RGS17: variants seen among roughly 807,000 people sequenced by gnomAD.
RGS17 encodes regulator of G-protein signaling 17.
RGS17 carries 12 observed loss-of-function variants against 25.5 expected under a neutral mutation model. The observed-to-expected ratio is 0.47, with a 90% CI of 0.30 to 0.76. RGS17 has a LOEUF of 0.76. RGS17 is among the 30% of genes least tolerant of loss of function. RGS17 has a pLI of 0.07. For synonymous variants in RGS17, 71 were observed against 76.9 expected (o/e 0.92, Z 0.40); for missense variants, 196 against 242.2 (o/e 0.81, Z 1.27).
intron 1 of RGS17, among the ~76,000 whole-genome samples, chr6:153,092,573 A>G (rs897809024): frequency 6.6e-6 from 1 of 152,166 alleles, no homozygotes; most frequent in Non-Finnish European, 1.5e-5. Context: ...AACATGTACA[A>G]TTATATATGG....
intron 4 of RGS17, among the ~76,000 whole-genome samples, chr6:153,020,132 ATATATATTTTTTTTTTTTTTTT>A (rs1364744906): frequency 2.6e-5 from 2 of 77,878 alleles, no homozygotes; most frequent in East Asian, 4.0e-4. Flanking sequence ...ATATATATAT[ATATATATTTTTTTTTTTTTTTT>A]TTTTTTTTTT....
chr6:153,040,238 T>A (rs1183476544), intron 2 of RGS17, among the ~76,000 whole-genome samples: 1 of 152,156 alleles, frequency 6.6e-6, no homozygotes, highest in Non-Finnish European at 1.5e-5. Context: ...CTTAAATCAC[T>A]ATGAAGCCTG....
At position 153,103,434 on chromosome 6, in the gene RGS17, G is replaced by A. The variant is rs375307086; in HGVS notation, c.-26+27690C>T. On this transcript the variant is annotated intron_variant, in intron 1 of 4. Coordinates refer to ENST00000206262, the MANE Select transcript of RGS17 (RefSeq NM_012419.5). ...TTGTGAGCTGTTGGCTTCTGTCACC[G>A]GCTCCTCCAGGACAGCAGAGCCACA... Among the ~76,000 whole-genome samples the A allele has an allele frequency of 3.6e-3, 551 of 152,226 alleles. 10 individuals carry two copies. The highest frequency in any genetic ancestry group is 0.011 in the African/African-American group (469 of 41,540).
In RGS17 at chr6:153,011,483, CTG is replaced by C. The variant is rs1779132155; in HGVS notation, c.*89_*90del. On this transcript the variant is annotated 3_prime_UTR_variant, in exon 5 of 5. Transcript: ENST00000206262. ...TCACAGTAGCCTGAGGAATGCTAAACTGTAGTTCTCCAGGAACTCAGTTTCTG... is the reference window on the plus strand; with the variant it reads ...TCACAGTAGCCTGAGGAATGCTAAACTAGTTCTCCAGGAACTCAGTTTCTG... The C allele has an allele frequency of 1.2e-6, 1 of 865,236 alleles. No homozygotes were observed. Among genetic ancestry groups the C allele is most frequent in the East Asian group, 2.5e-5 (1 of 39,918 alleles). The allele number at this position is 865,236 out of a possible 1,614,324, so 53.6% of individuals were successfully genotyped here.
At chr6:153,110,899 T>C (rs1777459961) in intron 1 of RGS17, among the ~76,000 whole-genome samples, 1 of 152,152 alleles carries the variant, frequency 6.6e-6, no homozygotes, top group African/African-American at 2.4e-5. Context: ...AATGGTGCAC[T>C]CCGGCCTAGG....
At chr6:153,061,779 A>AT (rs200634812) in intron 1 of RGS17, among the ~76,000 whole-genome samples, 21 of 151,930 alleles carry the variant, frequency 1.4e-4, no homozygotes, top group Non-Finnish European at 2.5e-4. Context: ...CCTATATGTT[A>AT]TTTTTTTTAC....
At chr6:153,074,397 T>C (rs1219233044) in intron 1 of RGS17, among the ~76,000 whole-genome samples, 1 of 152,206 alleles carries the variant, frequency 6.6e-6, no homozygotes, top group African/African-American at 2.4e-5. Flanking sequence ...TTTCTCTTAA[T>C]GCATCCTCTT....
chr6:153,129,173 C>G (rs1777748065), intron 1 of RGS17, among the ~76,000 whole-genome samples: 1 of 152,168 alleles, frequency 6.6e-6, no homozygotes, highest in Admixed American at 6.5e-5. Flanking sequence ...ACTAAATAAA[C>G]TACTCTCCTA....
intron 1 of RGS17, among the ~76,000 whole-genome samples, chr6:153,055,329 AATGTT>A (rs1333530090): frequency 1.3e-5 from 2 of 152,138 alleles, no homozygotes; most frequent in African/African-American, 4.8e-5. Context: ...ACATTTTCTT[AATGTT>A]ATAAGTTAAA....
intron 2 of RGS17, among the ~76,000 whole-genome samples, chr6:153,032,111 C>T (rs1779369871): frequency 6.6e-6 from 1 of 152,116 alleles, no homozygotes; most frequent in Non-Finnish European, 1.5e-5. Flanking sequence ...CCCAAAAAAA[C>T]TAAAACCCCA....
intron 1 of RGS17, among the ~76,000 whole-genome samples, chr6:153,083,195 C>T (rs77831234): frequency 0.077 from 11,794 of 152,234 alleles, 622 homozygotes; most frequent in East Asian, 0.17. Context: ...TTATTGTCAC[C>T]ATCTTCTCCA....
chr6:153,045,616 C>G (rs1196947229), intron 1 of RGS17, among the ~76,000 whole-genome samples: 1 of 152,156 alleles, frequency 6.6e-6, no homozygotes, highest in African/African-American at 2.4e-5. Flanking sequence ...GAGTAAGTGA[C>G]AGTAAGAAAT....
At chr6:153,065,411 T>A (rs1018929318) in intron 1 of RGS17, among the ~76,000 whole-genome samples, 1 of 152,172 alleles carries the variant, frequency 6.6e-6, no homozygotes, top group African/African-American at 2.4e-5. Context: ...AGAAAGTCAA[T>A]AATCATCAGA....
chr6:153,063,868 A>G (rs1776670783), intron 1 of RGS17, among the ~76,000 whole-genome samples: 1 of 152,200 alleles, frequency 6.6e-6, no homozygotes, highest in South Asian at 2.1e-4. Flanking sequence ...ACAACATACA[A>G]TGGACTTCCA....
intron 4 of RGS17, among the ~76,000 whole-genome samples, chr6:153,018,696 G>T (rs977476842): frequency 3.9e-5 from 6 of 152,080 alleles, no homozygotes; most frequent in African/African-American, 1.4e-4. Context: ...AACAAGATTT[G>T]TCTGTCTTCC....
intron 1 of RGS17, among the ~76,000 whole-genome samples, chr6:153,129,544 G>A (rs2129128155): frequency 6.6e-6 from 1 of 152,234 alleles, no homozygotes; most frequent in Middle Eastern, 3.4e-3. Context: ...CAATTCTCAC[G>A]TCTTCAATTA....
At chr6:153,026,350 C>A in intron 3 of RGS17, 104 bp downstream of exon 3, 2 of 648,128 alleles carry the variant, frequency 3.1e-6, no homozygotes, top group South Asian at 4.2e-5. Flanking sequence ...TTCCCAAAAT[C>A]ATTTTGAAGA....
At chr6:153,102,114 A>AG (rs1777312755) in intron 1 of RGS17, among the ~76,000 whole-genome samples, 1 of 152,226 alleles carries the variant, frequency 6.6e-6, no homozygotes, top group Admixed American at 6.5e-5. Flanking sequence ...TCTTCTATTA[A>AG]GGAAAATGAT....
At chr6:153,122,580 A>T (rs1347511467) in intron 1 of RGS17, among the ~76,000 whole-genome samples, 2 of 152,148 alleles carry the variant, frequency 1.3e-5, no homozygotes, top group Non-Finnish European at 2.9e-5. Flanking sequence ...TAGCATAGAA[A>T]TTACAATCAG....
Sources: gnomAD v4.1 joint callset for allele counts (sites outside exome capture counted in the v4.1 genomes callset) on GRCh38, gnomAD v4.1.1 for gene constraint, MANE v1.5 for transcripts, NCBI Gene and HGNC (gene_info 2026-07-23, HGNC 2026-07-21) for gene names.